UGT1A5: variants seen among roughly 807,000 people sequenced by gnomAD.
UGT1A5 encodes UDP glucuronosyltransferase family 1 member A5, also known as UDP-glucuronosyltransferase 1A5.
In UGT1A5, 29 loss-of-function variants were observed where a neutral mutation model predicts 40.3. The observed-to-expected ratio is 0.72, with a 90% CI of 0.54 to 0.98. The LOEUF is 0.98. UGT1A5 is among the 50% of genes least tolerant of loss of function. UGT1A5 has a pLI of 0.00. For synonymous variants in UGT1A5, 257 were observed against 262.5 expected, an observed-to-expected ratio of 0.98 and a Z score of 0.20; for missense variants, 678 against 677.9, an observed-to-expected ratio of 1.00 and a Z score of 0.00.
intron 1 of UGT1A5, chr2:233,719,423 T>C (rs1466755508): frequency 3.7e-6 from 6 of 1,613,856 alleles, no homozygotes; most frequent in Non-Finnish European, 2.5e-6. Context: ...TAACGACCAA[T>C]TCAGACCACA....
chr2:233,724,478 T>C (rs865902503), intron 1 of UGT1A5, among the ~76,000 whole-genome samples: 108 of 60,136 alleles, frequency 1.8e-3, no homozygotes, highest in South Asian at 3.9e-3. Flanking sequence ...TCCTCACTTC[T>C]CAGACGGGGC....
At position 233,731,965 on chromosome 2, in the gene UGT1A5, A is replaced by T. The variant is rs1487707523; in HGVS notation, c.867+18107A>T. ...ACATCTGTTGTTTCCTGACTTTTTA[A>T]TGGTCACCATTCTAACTGGCGTGAG... On this transcript the variant is annotated intron_variant, in intron 1 of 4. Coordinates refer to ENST00000373414, the MANE Select transcript of UGT1A5 (RefSeq NM_019078.2). 2.6e-5 allele frequency among the ~76,000 whole-genome samples: 4 copies of T among 152,240 alleles called. No individual in the cohort carries two copies. The East Asian group carries it at 7.7e-4, about 29-fold the overall frequency.
intron 1 of UGT1A5, among the ~76,000 whole-genome samples, chr2:233,727,107 A>G (rs879349742): frequency 4.6e-5 from 7 of 152,176 alleles, no homozygotes; most frequent in Non-Finnish European, 7.3e-5. Flanking sequence ...TTGTGTGTTT[A>G]GGTCTGTGAG....
chr2:233,762,062 A>G (rs1056836551), intron 1 of UGT1A5, among the ~76,000 whole-genome samples: 8 of 152,148 alleles, frequency 5.3e-5, no homozygotes, highest in Non-Finnish European at 8.8e-5. Flanking sequence ...TTCATAGCAC[A>G]TCAAATATGG....
intron 1 of UGT1A5, among the ~76,000 whole-genome samples, chr2:233,763,435 T>G (rs1698313873): frequency 6.6e-6 from 1 of 152,248 alleles, no homozygotes; most frequent in African/African-American, 2.4e-5. Flanking sequence ...GTTGCTTTAA[T>G]AAGTGCATTT....
intron 1 of UGT1A5, among the ~76,000 whole-genome samples, chr2:233,757,104 A>T (rs1373220200): frequency 1.3e-5 from 2 of 151,154 alleles, no homozygotes; most frequent in African/African-American, 2.4e-5. Flanking sequence ...GGGAGGGGGC[A>T]AGCAGAAGGG....
intron 1 of UGT1A5, chr2:233,760,989 C>T: frequency 6.2e-7 from 1 of 1,614,198 alleles, no homozygotes; most frequent in Non-Finnish European, 8.5e-7. Context: ...CAACCCTTGC[C>T]TCAGAATTCC....
chr2:233,733,594 G>A (rs1409734181), intron 1 of UGT1A5, among the ~76,000 whole-genome samples: 1 of 152,164 alleles, frequency 6.6e-6, no homozygotes, highest in African/African-American at 2.4e-5. Context: ...TTCTGTTTAT[G>A]TGATGGATTA....
intron 1 of UGT1A5, among the ~76,000 whole-genome samples, chr2:233,764,385 C>A (rs1299567681): frequency 6.6e-6 from 1 of 152,140 alleles, no homozygotes; most frequent in African/African-American, 2.4e-5. Context: ...AGGAGTTGGC[C>A]GTGATGACAA....
intron 1 of UGT1A5, among the ~76,000 whole-genome samples, chr2:233,737,879 A>G (rs1333884125): frequency 6.6e-6 from 1 of 152,166 alleles, no homozygotes; most frequent in East Asian, 1.9e-4. Flanking sequence ...TTCCACATTA[A>G]CAAAGCTAAT....
chr2:233,714,773 T>G (rs2076411082), intron 1 of UGT1A5, among the ~76,000 whole-genome samples: 1 of 152,258 alleles, frequency 6.6e-6, no homozygotes, highest in African/African-American at 2.4e-5. Flanking sequence ...TATCTCAATT[T>G]GGAATAGCCA....
rs1042595424 is a variant in UGT1A5 at position 233,772,592 on chromosome 2, C to T, written c.*33C>T. On this transcript the variant is annotated 3_prime_UTR_variant, in exon 5 of 5. Transcript: ENST00000373414. ...GTGGGAAATAAGGTAAAATTTTGAA[C>T]CATTCCCTAGTCATTTCCAAACTTG... The T allele has an allele frequency of 7.5e-6, 12 of 1,599,668 alleles. No homozygotes were observed. The highest frequency in any genetic ancestry group is 1.3e-5 in the African/African-American group (1 of 74,558).
intron 1 of UGT1A5, chr2:233,747,398 C>T: frequency 1.9e-6 from 3 of 1,606,764 alleles, no homozygotes; most frequent in Non-Finnish European, 2.6e-6. Flanking sequence ...TGGTCCTCAC[C>T]CCAGAGGTGA....
chr2:233,770,514 C>T (rs191930447), intron 4 of UGT1A5: 1 of 152,136 alleles, frequency 6.6e-6, no homozygotes, highest in Non-Finnish European at 1.5e-5. Flanking sequence ...AAAAATTACC[C>T]AGGCATGGTG....
chr2:233,751,748 T>C (rs1261704160), intron 1 of UGT1A5, among the ~76,000 whole-genome samples: 3 of 152,220 alleles, frequency 2.0e-5, no homozygotes, highest in African/African-American at 7.2e-5. Flanking sequence ...TCTCTCTTGC[T>C]TGCTGCCATG....
intron 1 of UGT1A5, among the ~76,000 whole-genome samples, chr2:233,724,647 T>G (rs1247687172): frequency 2.2e-5 from 3 of 137,376 alleles, no homozygotes; most frequent in East Asian, 2.4e-4. Flanking sequence ...TGATGGCGGC[T>G]GGGAAGAGGC....
intron 1 of UGT1A5, chr2:233,756,060 G>T (rs1357944453): frequency 6.6e-6 from 1 of 152,200 alleles, no homozygotes; most frequent in African/African-American, 2.4e-5. Flanking sequence ...CTGTACACTT[G>T]TGGGAGAATG....
rs570829500 is a variant in UGT1A5, at chr2:233,743,629, T to G, written c.868-23405T>G. 70 of 1,367,302 alleles carry G rather than the reference T, an allele frequency of 5.1e-5. 1 individual carries two copies. The highest frequency in any genetic ancestry group is 2.7e-4 in the East Asian group (6 of 21,984). The allele number at this position is 1,367,302 out of a possible 1,614,324, so 84.7% of individuals were successfully genotyped here. The stretch of plus-strand genomic sequence containing the variant: ...CGAAGAACTCCCTGAAGACGTCGGC[T>G]GGGTCGCGGAAGCTGAAGACGTACT... On this transcript the variant is annotated intron_variant, in intron 1 of 4. Transcript: ENST00000373414.
At chr2:233,723,476 C>T (rs1238335619) in intron 1 of UGT1A5, among the ~76,000 whole-genome samples, 1 of 136,266 alleles carries the variant, frequency 7.3e-6, no homozygotes, top group African/African-American at 2.9e-5. Flanking sequence ...TCCCAAAGTG[C>T]TAGGATTCCA....
Sources: gnomAD v4.1 joint callset for allele counts (sites outside exome capture counted in the v4.1 genomes callset) on GRCh38, gnomAD v4.1.1 for gene constraint, MANE v1.5 for transcripts, NCBI Gene and HGNC (gene_info 2026-07-23, HGNC 2026-07-21) for gene names.